ATP1A3: variants seen among roughly 807,000 people sequenced by gnomAD.
The protein encoded by ATP1A3 is sodium/potassium-transporting ATPase subunit alpha-3.
Under a neutral mutation model 108.8 loss-of-function variants are expected in ATP1A3, and 12 were observed. That is an observed-to-expected ratio of 0.11 (90% CI 0.07 to 0.18). The LOEUF (loss-of-function observed/expected upper bound fraction) is 0.18. Ranked by LOEUF, ATP1A3 falls within the 10% of genes least tolerant of loss-of-function variation. The pLI is 1.00. For missense variants in ATP1A3, 498 were observed against 1,387.7 expected, an observed-to-expected ratio of 0.36 and a Z score of 10.19; for synonymous variants, 539 against 564.5, an observed-to-expected ratio of 0.95 and a Z score of 0.64.
chr19:41,984,600 A>T (rs921315268), intron 8 of ATP1A3: 1 of 337,548 alleles, frequency 3.0e-6, no homozygotes, highest in South Asian at 4.3e-5. Context: ...TTGCAATAGG[A>T]TTGTTGGCTC....
chr19:41,973,352 C>T (rs1360307890), intron 16 of ATP1A3, among the ~76,000 whole-genome samples: 1 of 152,180 alleles, frequency 6.6e-6, no homozygotes, highest in Non-Finnish European at 1.5e-5. Flanking sequence ...ACCACCCAGG[C>T]TCAAGTGATC....
chr19:41,992,387 C>T (rs925655700), intron 1 of ATP1A3, among the ~76,000 whole-genome samples: 17 of 152,122 alleles, frequency 1.1e-4, no homozygotes, highest in Admixed American at 4.6e-4. Flanking sequence ...ATGCCTGTCT[C>T]GCTGTGGCCG....
chr19:41,993,207 C>G, intron 1 of ATP1A3: 1 of 425,138 alleles, frequency 2.4e-6, no homozygotes. Flanking sequence ...CCCAGACACA[C>G]AGGGAGGAAT....
At chr19:41,989,555 G>A (rs1360360949) in intron 1 of ATP1A3, among the ~76,000 whole-genome samples, 8 of 151,882 alleles carry the variant, frequency 5.3e-5, no homozygotes, top group Non-Finnish European at 2.9e-5. Flanking sequence ...TCCTGACCTC[G>A]TGATCCGCCC....
chr19:41,984,217 T>TTTTATTTATTTATTTATTTATTTATTTA (rs1403015201), intron 8 of ATP1A3: 3 of 151,982 alleles, frequency 2.0e-5, no homozygotes, highest in African/African-American at 7.3e-5. Flanking sequence ...TATTATTTTA[T>TTTTATTTATTTATTTATTTATTTATTTA]TTTATTTATT....
Position 41,966,686 on chromosome 19 carries a change from G to A in ATP1A3, c.*251C>T, listed in dbSNP as rs1346647338. 1.9e-5 allele frequency: 29 copies of A among 1,534,238 alleles called. No homozygotes were observed. The highest frequency in any genetic ancestry group is 4.1e-5 in the African/African-American group (3 of 72,640). On this transcript the variant is annotated 3_prime_UTR_variant, in exon 23 of 23. Transcript: ENST00000648268. Reference sequence around the variant, plus strand: ...AAGAGCCCAGGGAGGTGGCTGGGGCGGGAGGAATGGATAGAGGGGTGAGGA... The same window carrying A: ...AAGAGCCCAGGGAGGTGGCTGGGGCAGGAGGAATGGATAGAGGGGTGAGGA...
At chr19:41,992,307 C>A (rs1555867718) in intron 1 of ATP1A3, among the ~76,000 whole-genome samples, 1 of 152,180 alleles carries the variant, frequency 6.6e-6, no homozygotes, top group African/African-American at 2.4e-5. Flanking sequence ...ACAGCTGAGG[C>A]TTTCCCAGTC....
intron 19 of ATP1A3, among the ~76,000 whole-genome samples, 154 bp downstream of exon 19, chr19:41,969,281 A>G (rs1239819833): frequency 6.6e-6 from 1 of 152,108 alleles, no homozygotes; most frequent in African/African-American, 2.4e-5. Flanking sequence ...GGGCTGGGCC[A>G]AGGGCATCCA....
At chr19:41,979,698 G>T (rs1555862675) in intron 11 of ATP1A3, among the ~76,000 whole-genome samples, 1 of 152,200 alleles carries the variant, frequency 6.6e-6, no homozygotes, top group East Asian at 1.9e-4. Flanking sequence ...GAGTGTCGGG[G>T]AGGAGGGGGC....
rs547875295 is a variant in ATP1A3 at position 41,974,804 on chromosome 19, G to T, written c.2263+825C>A. On this transcript the variant is annotated intron_variant, in intron 16 of 22. Transcript: ENST00000648268. ...CCAACCCTTCTGTGGCCTTGTCTGGGCCTGTCAGGAGGTGGTGCCTGTCGG... is the reference window on the plus strand; with the variant it reads ...CCAACCCTTCTGTGGCCTTGTCTGGTCCTGTCAGGAGGTGGTGCCTGTCGG... Among the ~76,000 whole-genome samples the T allele has an allele frequency of 2.6e-5, 4 of 152,322 alleles. No individual in the cohort carries two copies. In the East Asian group the frequency reaches 7.7e-4, roughly 29 times the overall value.
At chr19:41,990,201 G>GTC (rs1221281223) in intron 1 of ATP1A3, among the ~76,000 whole-genome samples, 12 of 151,398 alleles carry the variant, frequency 7.9e-5, no homozygotes, top group Non-Finnish European at 1.6e-4. Context: ...ACCTCTCTCT[G>GTC]TCTCTCTCTC....
At position 41,967,064 on chromosome 19, in the gene ATP1A3, G is replaced by A; in HGVS notation, c.3014-99C>T. 8 of 1,551,606 alleles carry A rather than the reference G, an allele frequency of 5.2e-6. No homozygotes were observed. The highest frequency in any genetic ancestry group is 7.0e-6 in the Non-Finnish European group (8 of 1,147,002). On this transcript the variant is annotated intron_variant, in intron 22 of 22. Transcript: ENST00000648268. This position sits in a 1 kb window ranked among gnomAD's most constrained non-coding sequence, Gnocchi z 4.2. ...AGAGAGAGGGACAGAGAGGGAGAGA[G>A]ACAAGGAAACCACACAGACAGAGAC...
Position 41,966,790 on chromosome 19 carries a change from G to A in ATP1A3, c.*147C>T. 6.6e-7 allele frequency: 1 copy of A among 1,507,570 alleles called. No homozygotes were observed. The highest frequency in any genetic ancestry group is 9.0e-7 in the Non-Finnish European group (1 of 1,114,460). The allele number at this position is 1,507,570 out of a possible 1,614,324, so 93.4% of individuals were successfully genotyped here. The stretch of plus-strand genomic sequence containing the variant: ...AGAGAAGCCAGCCAGAGTGGGGGCG[G>A]CAGGAGATAGTGGAGGGGGTGGGGG... On this transcript the variant is annotated 3_prime_UTR_variant, in exon 23 of 23. Coordinates refer to ENST00000648268, the MANE Select transcript of ATP1A3 (RefSeq NM_152296.5).
chr19:41,989,257 C>T (rs1360478865), intron 1 of ATP1A3, among the ~76,000 whole-genome samples: 12 of 150,618 alleles, frequency 8.0e-5, no homozygotes, highest in Admixed American at 6.0e-4. Flanking sequence ...GACATTTTAA[C>T]TCTGCTTCTG....
rs1351846628 is a variant in ATP1A3 at position 41,970,466 on chromosome 19, G to A, written c.2340C>T (p.Phe780=). 4 of 1,614,106 alleles carry A rather than the reference G, an allele frequency of 2.5e-6. No individual in the cohort carries two copies. The highest frequency in any genetic ancestry group is 8.5e-7 in the Non-Finnish European group (1 of 1,180,016). Residue 780 remains phenylalanine, a synonymous_variant, in exon 17 of 23, where the codon TTC becomes TTT. Coordinates refer to ENST00000648268, the MANE Select transcript of ATP1A3 (RefSeq NM_152296.5). ...GGATGTTGGCCATGATGAACAGCAG[G>A]AAGGGCGTGATCTCCGGGATATTGC... The part of the protein sequence containing the change: ...LTSNIPEITP[F]LLFIMANIPL...
intron 1 of ATP1A3, 180 bp downstream of exon 1, chr19:41,993,891 C>T: frequency 7.7e-6 from 9 of 1,173,412 alleles, no homozygotes; most frequent in Non-Finnish European, 9.5e-6. Context: ...CGCCACAGAC[C>T]CCCCGCCGCC....
intron 4 of ATP1A3, 52 bp from the exon 5 acceptor site, chr19:41,986,281 C>G (rs1555865456): frequency 1.9e-6 from 3 of 1,571,848 alleles, no homozygotes; most frequent in Non-Finnish European, 2.6e-6. Context: ...CCACTCTCCA[C>G]CAGTCCCTGC....
In ATP1A3 at chr19:41,967,029, G is replaced by A; in HGVS notation, c.3014-64C>T. ...AGATGGAGAGAGACAGGCAAGGCGA[G>A]CCGCCCAGCAGAGAGAGGGACAGAG... On this transcript the variant is annotated intron_variant, in intron 22 of 22. Coordinates refer to ENST00000648268, the MANE Select transcript of ATP1A3 (RefSeq NM_152296.5). The surrounding 1 kb of genome is among the most constrained non-coding windows in gnomAD (Gnocchi z 4.2). 1 of 1,551,668 alleles carries A rather than the reference G, an allele frequency of 6.4e-7. No homozygotes were observed.
intron 11 of ATP1A3, among the ~76,000 whole-genome samples, chr19:41,979,500 T>C (rs1555862648): frequency 6.6e-6 from 1 of 151,856 alleles, no homozygotes; most frequent in Non-Finnish European, 1.5e-5. Flanking sequence ...AGAGACATGC[T>C]CTCCCTATGT....
Sources: gnomAD v4.1 joint callset for allele counts (sites outside exome capture counted in the v4.1 genomes callset) on GRCh38, gnomAD v4.1.1 for gene constraint, Gnocchi (gnomAD v3.1) non-coding constraint, MANE v1.5 for transcripts, NCBI Gene and HGNC (gene_info 2026-07-23, HGNC 2026-07-21) for gene names.